ZNF385B: variants seen among roughly 807,000 people sequenced by gnomAD.
ZNF385B encodes the protein zinc finger protein 533.
Under a neutral mutation model 39.2 loss-of-function variants are expected in ZNF385B, and 23 were observed. That is an observed-to-expected ratio of 0.59 (90% CI 0.42 to 0.83). The LOEUF is 0.83. Among genes scored for constraint, ZNF385B ranks in the 40% least tolerant of loss-of-function variants. The pLI, the probability that ZNF385B is intolerant of heterozygous loss-of-function variation, is 0.00. For synonymous variants in ZNF385B, 205 were observed against 222.6 expected (o/e 0.92, Z 0.70); for missense variants, 552 against 598.9 (o/e 0.92, Z 0.82).
chr2:179,739,996 A>C (rs1701994813), intron 3 of ZNF385B, among the ~76,000 whole-genome samples: 1 of 152,204 alleles, frequency 6.6e-6, no homozygotes, highest in Non-Finnish European at 1.5e-5. Context: ...CCATTGTGCA[A>C]TAATAAAAAA....
At chr2:179,478,654 A>G (rs1238239928) in intron 6 of ZNF385B, among the ~76,000 whole-genome samples, 4 of 152,246 alleles carry the variant, frequency 2.6e-5, no homozygotes, top group Non-Finnish European at 4.4e-5. Flanking sequence ...AGCTCTAAGT[A>G]GCTTTACATA....
intron 1 of ZNF385B, among the ~76,000 whole-genome samples, chr2:179,803,758 C>A (rs1294279137): frequency 5.9e-5 from 9 of 151,948 alleles, no homozygotes; most frequent in Non-Finnish European, 1.2e-4. Context: ...TGTAAAGAGG[C>A]TCAGCCCCTT....
At chr2:179,775,679 T>A (rs1342328384) in intron 1 of ZNF385B, among the ~76,000 whole-genome samples, 1 of 152,186 alleles carries the variant, frequency 6.6e-6, no homozygotes, top group African/African-American at 2.4e-5. Flanking sequence ...GGAAAAATTT[T>A]GAACTCAGCT....
intron 3 of ZNF385B, among the ~76,000 whole-genome samples, chr2:179,672,894 A>G (rs1248055357): frequency 1.3e-5 from 2 of 152,170 alleles, no homozygotes; most frequent in East Asian, 1.9e-4. Flanking sequence ...GGGCATTCCA[A>G]TGTGGGTATC....
chr2:179,816,182 C>G (rs528176808), intron 1 of ZNF385B, among the ~76,000 whole-genome samples: 8 of 152,256 alleles, frequency 5.3e-5, no homozygotes, highest in Admixed American at 2.0e-4. Context: ...TCAAGCTGTT[C>G]GGCTAAAAAC....
At chr2:179,627,108 C>G (rs1359749140) in intron 3 of ZNF385B, among the ~76,000 whole-genome samples, 1 of 152,122 alleles carries the variant, frequency 6.6e-6, no homozygotes, top group African/African-American at 2.4e-5. Context: ...ATATCACATT[C>G]ACTTCTTAGC....
chr2:179,775,202 A>T (rs1485264801), intron 1 of ZNF385B, among the ~76,000 whole-genome samples: 1 of 152,230 alleles, frequency 6.6e-6, no homozygotes, highest in African/African-American at 2.4e-5. Flanking sequence ...TATATTTCAT[A>T]ATAGGATTCA....
At chr2:179,454,130 A>G (rs1444760849) in intron 6 of ZNF385B, among the ~76,000 whole-genome samples, 1 of 152,344 alleles carries the variant, frequency 6.6e-6, no homozygotes, top group East Asian at 1.9e-4. Context: ...AGACTTTCTG[A>G]TATCTGACAA....
intron 3 of ZNF385B, among the ~76,000 whole-genome samples, chr2:179,696,325 A>ACTTTTTTTTTTTTTTT (rs1698741478): frequency 1.0e-4 from 1 of 9,838 alleles, no homozygotes; most frequent in Non-Finnish European, 2.6e-4. Context: ...ACAAACTGGG[A>ACTTTTTTTTTTTTTTT]CTTTTTTTTT....
chr2:179,834,136 C>T (rs1708123224), intron 1 of ZNF385B, among the ~76,000 whole-genome samples: 1 of 152,006 alleles, frequency 6.6e-6, no homozygotes, highest in Non-Finnish European at 1.5e-5. Flanking sequence ...TACTCATAAT[C>T]TTATATATGT....
intron 3 of ZNF385B, among the ~76,000 whole-genome samples, chr2:179,749,439 G>C (rs574109976): frequency 2.6e-5 from 4 of 151,918 alleles, no homozygotes; most frequent in Non-Finnish European, 5.9e-5. Context: ...AAACCAGCTC[G>C]AGAAAAACCA....
chr2:179,669,170 G>A (rs1695577693), intron 3 of ZNF385B, among the ~76,000 whole-genome samples: 1 of 152,110 alleles, frequency 6.6e-6, no homozygotes, highest in Non-Finnish European at 1.5e-5. Flanking sequence ...TACACATGAG[G>A]AAACTGAAGC....
chr2:179,774,506 G>A (rs899560523), intron 1 of ZNF385B, among the ~76,000 whole-genome samples: 3 of 152,038 alleles, frequency 2.0e-5, no homozygotes, highest in Admixed American at 1.3e-4. Context: ...GACTACAGGG[G>A]CACACCACCA....
intron 1 of ZNF385B, among the ~76,000 whole-genome samples, chr2:179,813,452 GC>G (rs1706860363): frequency 6.6e-6 from 1 of 152,064 alleles, no homozygotes; most frequent in African/African-American, 2.4e-5. Flanking sequence ...AATTATTACA[GC>G]CACTATGACA....
chr2:179,446,129 G>T (rs1356092927), intron 7 of ZNF385B, among the ~76,000 whole-genome samples: 1 of 151,932 alleles, frequency 6.6e-6, no homozygotes, highest in Non-Finnish European at 1.5e-5. Context: ...TGTTTTAATG[G>T]CTGATTAACA....
chr2:179,567,985 G>A (rs1684787773), intron 3 of ZNF385B, among the ~76,000 whole-genome samples: 1 of 152,108 alleles, frequency 6.6e-6, no homozygotes, highest in African/African-American at 2.4e-5. Context: ...ATACAAATCT[G>A]ATCATGTCAC....
intron 1 of ZNF385B, among the ~76,000 whole-genome samples, chr2:179,827,750 T>G (rs1303375958): frequency 6.6e-6 from 1 of 152,156 alleles, no homozygotes. Context: ...ATAACATACA[T>G]GCATACAAGC....
In ZNF385B at chr2:179,629,211, T is replaced by G. The variant is rs369822724; in HGVS notation, c.299-84242A>C. On this transcript the variant is annotated intron_variant, in intron 3 of 9. Transcript: ENST00000410066. Reference sequence around the variant, plus strand: ...GGCTCTGCCCACCATTGAAACTGATTATGTCTAGGAGAAATTCTCAGCCAG... The same window carrying G: ...GGCTCTGCCCACCATTGAAACTGATGATGTCTAGGAGAAATTCTCAGCCAG... Among the ~76,000 whole-genome samples the G allele has an allele frequency of 6.6e-5, 10 of 152,260 alleles. No homozygotes were observed. The East Asian group carries it at 1.5e-3, about 24-fold the overall frequency.
intron 3 of ZNF385B, among the ~76,000 whole-genome samples, chr2:179,631,203 C>T (rs1343817707): frequency 6.6e-6 from 1 of 152,120 alleles, no homozygotes; most frequent in Admixed American, 6.5e-5. Context: ...CGAGCAACCA[C>T]AGGACATGTA....
Sources: allele counts gnomAD v4.1 joint callset (sites outside exome capture counted in the v4.1 genomes callset), GRCh38; gene constraint gnomAD v4.1.1; transcripts MANE v1.5; gene names NCBI Gene and HGNC (gene_info 2026-07-23, HGNC 2026-07-21).